The following SPATA17 variants were observed in gnomAD, a reference collection of about 807,000 sequenced individuals.
The protein encoded by SPATA17 is spermatogenesis associated 17.
Under a neutral mutation model 62.2 loss-of-function variants are expected in SPATA17, and 53 were observed. That is an observed-to-expected ratio of 0.85 (90% CI 0.68 to 1.07). The LOEUF is 1.07. Among genes scored for constraint, SPATA17 ranks in the 50% least tolerant of loss-of-function variants. The pLI is 0.00. For missense variants in SPATA17, 466 were observed against 425.5 expected (o/e 1.10, Z -0.84); for synonymous variants, 146 against 146.8 (o/e 0.99, Z 0.04).
intron 9 of SPATA17, among the ~76,000 whole-genome samples, chr1:217,858,822 G>A (rs1302063715): frequency 6.6e-6 from 1 of 152,214 alleles, no homozygotes; most frequent in South Asian, 2.1e-4. Context: ...AAGGTCGGGA[G>A]TTCGAGACCA....
intron 6 of SPATA17, among the ~76,000 whole-genome samples, 153 bp downstream of exon 6, chr1:217,742,251 G>C (rs12117870): frequency 6.6e-6 from 1 of 151,908 alleles, no homozygotes; most frequent in Admixed American, 6.6e-5. Context: ...GTAGGTGCGC[G>C]CAGGCACCAT....
At chr1:217,851,252 T>C (rs1675659112) in intron 9 of SPATA17, among the ~76,000 whole-genome samples, 1 of 152,108 alleles carries the variant, frequency 6.6e-6, no homozygotes, top group Non-Finnish European at 1.5e-5. Context: ...TGACAGTTAT[T>C]GATATATCCT....
chr1:217,680,744 G>T lies in SPATA17; in HGVS notation c.292-2514G>T, dbSNP rs556790909. On this transcript the variant is annotated intron_variant, in intron 4 of 10. Coordinates refer to ENST00000366933, the MANE Select transcript of SPATA17 (RefSeq NM_138796.4). ...GTTCAAGACCAGCCTGGCCAACATG[G>T]TGAAACCCTGCCTCTATTAAAATTA... 2.0e-5 allele frequency among the ~76,000 whole-genome samples: 3 copies of T among 151,810 alleles called. No homozygotes were observed. In the South Asian group the frequency reaches 6.3e-4, roughly 32 times the overall value.
intron 9 of SPATA17, among the ~76,000 whole-genome samples, chr1:217,840,180 G>T (rs919705975): frequency 6.6e-6 from 1 of 152,010 alleles, no homozygotes; most frequent in South Asian, 2.1e-4. Flanking sequence ...AATTCCATTC[G>T]TACAGATAAT....
chr1:217,810,807 A>G (rs1045983829), intron 9 of SPATA17, among the ~76,000 whole-genome samples: 1 of 151,994 alleles, frequency 6.6e-6, no homozygotes, highest in East Asian at 1.9e-4. Flanking sequence ...GAAGAGTGCA[A>G]GGGGGAACTG....
At chr1:217,748,659 G>T (rs944516730) in intron 6 of SPATA17, among the ~76,000 whole-genome samples, 3 of 149,518 alleles carry the variant, frequency 2.0e-5, no homozygotes, top group African/African-American at 7.4e-5. Flanking sequence ...CAGGAGAATC[G>T]CTTGAACCTG....
At chr1:217,828,901 AC>A (rs1278995072) in intron 9 of SPATA17, among the ~76,000 whole-genome samples, 1 of 152,162 alleles carries the variant, frequency 6.6e-6, no homozygotes. Flanking sequence ...ATATCACCTC[AC>A]ATCTCTAAGG....
intron 6 of SPATA17, among the ~76,000 whole-genome samples, chr1:217,761,382 C>T (rs1673169532): frequency 6.6e-6 from 1 of 152,148 alleles, no homozygotes; most frequent in South Asian, 2.1e-4. Flanking sequence ...CTTGCCACAC[C>T]TTATACACCA....
rs1270049835 is a variant in SPATA17, at chr1:217,870,791, C to G, written c.*3772C>G. 3 of 152,158 alleles carry G rather than the reference C, an allele frequency of 2.0e-5. No homozygotes were observed. Among genetic ancestry groups the G allele is most frequent in the Non-Finnish European group, 4.4e-5 (3 of 68,034 alleles). The allele number at this position is 152,158 out of a possible 1,614,324, so 9.4% of individuals were successfully genotyped here. On this transcript the variant is annotated 3_prime_UTR_variant, in exon 11 of 11. Transcript: ENST00000366933. ...TCACACCAGCTTTGCTGTAGTTAAT[C>G]AGGTAATACCTTTCTTCTCCACTAC...
At chr1:217,715,630 A>G (rs4347270) in intron 5 of SPATA17, among the ~76,000 whole-genome samples, 6,921 of 151,642 alleles carry the variant, frequency 0.046, 237 homozygotes, top group Middle Eastern at 0.11. Context: ...TTCCTTGATT[A>G]TTCTGAAATC....
chr1:217,785,074 T>A (rs1034166251), intron 8 of SPATA17: 1 of 152,226 alleles, frequency 6.6e-6, no homozygotes, highest in African/African-American at 2.4e-5. Flanking sequence ...GGTGGTTTGC[T>A]ATTAATCTTT....
chr1:217,668,925 C>A (rs999733061), intron 3 of SPATA17, 108 bp from the exon 4 acceptor site: 2 of 955,004 alleles, frequency 2.1e-6, no homozygotes, highest in South Asian at 3.0e-5. Flanking sequence ...AAGGCTAGAA[C>A]TCTTATTATG....
chr1:217,688,103 G>T (rs1325466083), intron 5 of SPATA17, among the ~76,000 whole-genome samples: 1 of 152,098 alleles, frequency 6.6e-6, no homozygotes, highest in African/African-American at 2.4e-5. Flanking sequence ...AGCGGTGCAT[G>T]CCTGTAGTCC....
In SPATA17 at chr1:217,682,163, G is replaced by A. The variant is rs139381327; in HGVS notation, c.292-1095G>A. On this transcript the variant is annotated intron_variant, in intron 4 of 10. Transcript: ENST00000366933. ...TCCTCCAATCCTTTAAATAATTTCA[G>A]GTATCTTTTCCTAATTAATATCATA... 5.6e-3 allele frequency among the ~76,000 whole-genome samples: 845 copies of A among 151,992 alleles called. 9 individuals are homozygous for A. The highest frequency in any genetic ancestry group is 0.019 in the African/African-American group (775 of 41,466).
chr1:217,652,334 C>T (rs753484588), intron 3 of SPATA17, among the ~76,000 whole-genome samples: 3 of 152,146 alleles, frequency 2.0e-5, no homozygotes, highest in Admixed American at 6.5e-5. Context: ...TGGGTTCAAG[C>T]GATTCTCCTG....
At chr1:217,797,414 T>A (rs937614769) in intron 8 of SPATA17, among the ~76,000 whole-genome samples, 3 of 151,718 alleles carry the variant, frequency 2.0e-5, no homozygotes, top group Non-Finnish European at 4.4e-5. Context: ...CACATCTGGC[T>A]ATTTTTTATA....
intron 1 of SPATA17, 147 bp downstream of exon 1, chr1:217,631,593 A>G (rs957298817): frequency 2.8e-5 from 22 of 773,660 alleles, no homozygotes; most frequent in African/African-American, 2.6e-4. Context: ...TGCAAACATA[A>G]TTGGGAGTTT....
At chr1:217,817,136 A>G (rs1010566979) in intron 9 of SPATA17, among the ~76,000 whole-genome samples, 2 of 152,108 alleles carry the variant, frequency 1.3e-5, no homozygotes, top group African/African-American at 4.8e-5. Context: ...AAAGATGTCA[A>G]ACTGGAGGAT....
chr1:217,840,001 T>C (rs1510258), intron 9 of SPATA17, among the ~76,000 whole-genome samples: 21,196 of 137,124 alleles, frequency 0.15, 1,638 homozygotes, highest in Admixed American at 0.22. Flanking sequence ...AAAGGTTTAA[T>C]CTTGTCGAAA....
Sources: allele counts gnomAD v4.1 joint callset (sites outside exome capture counted in the v4.1 genomes callset), GRCh38; gene constraint gnomAD v4.1.1; transcripts MANE v1.5; gene names NCBI Gene and HGNC (gene_info 2026-07-23, HGNC 2026-07-21).